Variants in KCNQ3 observed in about 807,000 individuals in gnomAD.
KCNQ3 encodes potassium voltage-gated channel subfamily KQT member 3.
A neutral mutation model predicts 92.5 loss-of-function variants in KCNQ3; 30 were observed. That is an observed-to-expected ratio of 0.32 (90% CI 0.24 to 0.44). The LOEUF is 0.44. Ranked by LOEUF, KCNQ3 falls within the 20% of genes least tolerant of loss-of-function variation. The pLI, the probability that KCNQ3 is intolerant of heterozygous loss-of-function variation, is 1.00. For synonymous variants in KCNQ3, 450 were observed against 468.8 expected (o/e 0.96, Z 0.52); for missense variants, 913 against 1,140.3 (o/e 0.80, Z 2.87).
intron 1 of KCNQ3, among the ~76,000 whole-genome samples, chr8:132,420,158 T>C (rs1820930017): frequency 6.6e-6 from 1 of 152,136 alleles, no homozygotes; most frequent in African/African-American, 2.4e-5. Context: ...GGGAGAGGGC[T>C]CTGGGGTCTC....
chr8:132,476,705 G>A (rs1822421113), intron 1 of KCNQ3, among the ~76,000 whole-genome samples: 1 of 152,128 alleles, frequency 6.6e-6, no homozygotes, highest in African/African-American at 2.4e-5. Context: ...TCATTGGCAG[G>A]AGCAACTTGC....
chr8:132,355,103 C>T (rs1353741099), intron 1 of KCNQ3, among the ~76,000 whole-genome samples: 1 of 152,096 alleles, frequency 6.6e-6, no homozygotes, highest in Non-Finnish European at 1.5e-5. Flanking sequence ...TGACTAAGAG[C>T]TTATCTATTT....
chr8:132,172,446 G>T, intron 7 of KCNQ3, 152 bp downstream of exon 7: 1 of 693,022 alleles, frequency 1.4e-6, no homozygotes, highest in Non-Finnish European at 2.6e-6. Flanking sequence ...AGACACACAA[G>T]ACACACAGAC....
intron 12 of KCNQ3, among the ~76,000 whole-genome samples, chr8:132,135,383 C>A (rs907449165): frequency 6.6e-6 from 1 of 152,086 alleles, no homozygotes; most frequent in Non-Finnish European, 1.5e-5. Context: ...GGCTTGAAGG[C>A]TTATCACAGG....
In KCNQ3 at chr8:132,480,470, TCCGCCGCCCCCGTCG is replaced by T; in HGVS notation, c.48_62del (p.Asp17_Gly21del). The T allele has an allele frequency of 1.6e-6, 2 of 1,243,790 alleles. No individual in the cohort carries two copies. Among genetic ancestry groups the T allele is most frequent in the Non-Finnish European group, 2.0e-6 (2 of 999,746 alleles). 77.0% of individuals were successfully genotyped at this position (1,243,790 alleles called of 1,614,324 possible). ...CGGCTGGGTTAGCCGCCCCGCCGCC[TCCGCCGCCCCCGTCG>T]CCGCCGCCGCCAGCCGCCCCCGCCG... is the stretch of plus-strand genomic sequence containing the variant. On this transcript the variant is annotated inframe_deletion, in exon 1 of 15. Coordinates refer to ENST00000388996, the MANE Select transcript of KCNQ3 (RefSeq NM_004519.4).
intron 1 of KCNQ3, among the ~76,000 whole-genome samples, chr8:132,321,826 T>C (rs1007605804): frequency 1.3e-5 from 2 of 152,186 alleles, no homozygotes; most frequent in African/African-American, 4.8e-5. Context: ...TGGTGAAATC[T>C]GACTTGTTCT....
intron 1 of KCNQ3, among the ~76,000 whole-genome samples, chr8:132,297,998 A>T (rs530563323): frequency 6.6e-6 from 1 of 152,338 alleles, no homozygotes; most frequent in East Asian, 1.9e-4. Flanking sequence ...GGTTGTTCAG[A>T]TTCTAAAATC....
intron 1 of KCNQ3, among the ~76,000 whole-genome samples, chr8:132,461,039 A>G (rs1332661054): frequency 6.6e-6 from 1 of 152,254 alleles, no homozygotes; most frequent in Non-Finnish European, 1.5e-5. Flanking sequence ...ATATGCATTT[A>G]AGATTCATTC....
At chr8:132,244,147 C>T (rs983099165) in intron 1 of KCNQ3, among the ~76,000 whole-genome samples, 2 of 152,168 alleles carry the variant, frequency 1.3e-5, no homozygotes, top group African/African-American at 4.8e-5. Context: ...AGTTCTGAAA[C>T]TTTATGATGA....
intron 1 of KCNQ3, among the ~76,000 whole-genome samples, chr8:132,343,180 T>C (rs1230752280): frequency 1.3e-5 from 2 of 152,250 alleles, no homozygotes; most frequent in Non-Finnish European, 2.9e-5. Flanking sequence ...CAGTGTTCAA[T>C]GGATTTGCTT....
At chr8:132,382,662 G>A (rs1209354125) in intron 1 of KCNQ3, among the ~76,000 whole-genome samples, 1 of 152,204 alleles carries the variant, frequency 6.6e-6, no homozygotes, top group Admixed American at 6.5e-5. Flanking sequence ...GTGGAGACAG[G>A]TGGCCAGCTC....
chr8:132,282,314 T>G (rs1015903586), intron 1 of KCNQ3, among the ~76,000 whole-genome samples: 4 of 152,206 alleles, frequency 2.6e-5, no homozygotes, highest in Admixed American at 2.0e-4. Flanking sequence ...AAAAGAGCCA[T>G]GTCCTTCTCC....
At chr8:132,405,407 T>C (rs1447741590) in intron 1 of KCNQ3, among the ~76,000 whole-genome samples, 2 of 152,210 alleles carry the variant, frequency 1.3e-5, no homozygotes, top group Non-Finnish European at 2.9e-5. Context: ...CCAGTGGCAG[T>C]GAACAATAGA....
At chr8:132,308,086 C>G (rs536765748) in intron 1 of KCNQ3, among the ~76,000 whole-genome samples, 1 of 152,276 alleles carries the variant, frequency 6.6e-6, no homozygotes, top group East Asian at 1.9e-4. Context: ...GAGCTGCAGG[C>G]AGGGAGAAAG....
At chr8:132,426,755 T>C (rs1219057147) in intron 1 of KCNQ3, among the ~76,000 whole-genome samples, 1 of 152,180 alleles carries the variant, frequency 6.6e-6, no homozygotes, top group African/African-American at 2.4e-5. Flanking sequence ...AAAACACAAA[T>C]TCCTATGGTC....
At chr8:132,146,493 G>A (rs1825452637) in intron 9 of KCNQ3, among the ~76,000 whole-genome samples, 1 of 152,204 alleles carries the variant, frequency 6.6e-6, no homozygotes, top group African/African-American at 2.4e-5. Flanking sequence ...CATGGAACAG[G>A]GGAGCGTTGT....
At chr8:132,361,535 A>T (rs1819172219) in intron 1 of KCNQ3, among the ~76,000 whole-genome samples, 1 of 152,220 alleles carries the variant, frequency 6.6e-6, no homozygotes, top group African/African-American at 2.4e-5. Flanking sequence ...AGGCTGCAAG[A>T]TTACTGTTTG....
intron 1 of KCNQ3, among the ~76,000 whole-genome samples, chr8:132,268,832 T>C (rs1816067979): frequency 6.6e-6 from 1 of 152,210 alleles, no homozygotes; most frequent in African/African-American, 2.4e-5. Context: ...GGCTGTACCA[T>C]TTTGCATTCC....
intron 1 of KCNQ3, among the ~76,000 whole-genome samples, chr8:132,331,425 G>A (rs1818225266): frequency 6.6e-6 from 1 of 152,186 alleles, no homozygotes; most frequent in Non-Finnish European, 1.5e-5. Context: ...ACTCAGGGGT[G>A]CCCTCATATG....
Sources: allele counts gnomAD v4.1 joint callset (sites outside exome capture counted in the v4.1 genomes callset), GRCh38; gene constraint gnomAD v4.1.1; transcripts MANE v1.5; gene names NCBI Gene and HGNC (gene_info 2026-07-23, HGNC 2026-07-21).